XKR6: variants seen among roughly 807,000 people sequenced by gnomAD.
The protein encoded by XKR6 is XK related 6, also known as XK-related protein 6.
XKR6 carries 22 observed loss-of-function variants against 56.7 expected under a neutral mutation model. The observed-to-expected ratio is 0.39, with a 90% CI of 0.28 to 0.55. XKR6 has a LOEUF of 0.55. Among genes scored for constraint, XKR6 ranks in the 20% least tolerant of loss-of-function variants. XKR6 has a pLI of 0.66. For missense variants in XKR6, 852 were observed against 889.0 expected (o/e 0.96, Z 0.53); for synonymous variants, 524 against 387.8 (o/e 1.35, Z -4.13).
At chr8:11,101,109 G>A (rs1419967226) in intron 1 of XKR6, among the ~76,000 whole-genome samples, 1 of 152,226 alleles carries the variant, frequency 6.6e-6, no homozygotes, top group Admixed American at 6.5e-5. Flanking sequence ...AGTATTTGCA[G>A]TACAGAATTC....
intron 1 of XKR6, among the ~76,000 whole-genome samples, chr8:11,198,121 A>G (rs906522899): frequency 2.6e-5 from 4 of 152,190 alleles, no homozygotes; most frequent in African/African-American, 9.7e-5. Flanking sequence ...CTTCAATAAA[A>G]ACAGAGATGA....
chr8:10,937,356 G>A (rs1380068953), intron 1 of XKR6, among the ~76,000 whole-genome samples: 5 of 148,746 alleles, frequency 3.4e-5, no homozygotes, highest in South Asian at 2.2e-4. Flanking sequence ...ATGTCCTCCC[G>A]TAGCTCAGAG....
intron 1 of XKR6, among the ~76,000 whole-genome samples, chr8:10,925,563 C>T (rs1037308648): frequency 5.3e-5 from 8 of 152,320 alleles, no homozygotes; most frequent in Non-Finnish European, 1.0e-4. Context: ...GGACCACTCC[C>T]GGGCTCTGTG....
chr8:11,138,494 G>C (rs1800518214), intron 1 of XKR6: 1 of 152,226 alleles, frequency 6.6e-6, no homozygotes, highest in African/African-American at 2.4e-5. Context: ...TTGGCTCTCA[G>C]ATGGTTTGGC....
intron 1 of XKR6, among the ~76,000 whole-genome samples, chr8:11,000,153 A>G (rs1222240666): frequency 6.6e-6 from 1 of 152,134 alleles, no homozygotes; most frequent in Non-Finnish European, 1.5e-5. Flanking sequence ...AATACTGAAT[A>G]AGAACCAAGA....
At chr8:11,062,012 G>A (rs965306310) in intron 1 of XKR6, among the ~76,000 whole-genome samples, 2 of 152,220 alleles carry the variant, frequency 1.3e-5, no homozygotes, top group Non-Finnish European at 2.9e-5. Context: ...GACAGTGACT[G>A]GCTCATACAT....
Position 11,075,742 on chromosome 8 carries a change from G to A in XKR6, c.764+124834C>T, listed in dbSNP as rs543766476. Among the ~76,000 whole-genome samples the A allele has an allele frequency of 2.0e-4, 31 of 152,226 alleles. 1 individual carries two copies. In the South Asian group the frequency reaches 6.4e-3, roughly 32 times the overall value. Reference sequence around the variant, plus strand: ...ACAAAAATTAGCTGGGTGTGGTGGTGAGCACCTGTAGTCCCAGCTATTCGT... The same window carrying A: ...ACAAAAATTAGCTGGGTGTGGTGGTAAGCACCTGTAGTCCCAGCTATTCGT... On this transcript the variant is annotated intron_variant, in intron 1 of 2. Coordinates refer to ENST00000416569, the MANE Select transcript of XKR6 (RefSeq NM_173683.4).
At chr8:10,918,689 G>A (rs957821797) in intron 2 of XKR6, among the ~76,000 whole-genome samples, 1 of 152,128 alleles carries the variant, frequency 6.6e-6, no homozygotes, top group South Asian at 2.1e-4. Flanking sequence ...AGAACCATCG[G>A]AGAATCCCCA....
intron 1 of XKR6, among the ~76,000 whole-genome samples, chr8:11,004,040 C>G (rs147139604): frequency 5.3e-5 from 8 of 152,274 alleles, no homozygotes; most frequent in African/African-American, 1.9e-4. Context: ...AGTGAGTGAG[C>G]AGAGCAGCGA....
chr8:10,958,349 A>G (rs1801960955), intron 1 of XKR6, among the ~76,000 whole-genome samples: 1 of 152,198 alleles, frequency 6.6e-6, no homozygotes, highest in African/African-American at 2.4e-5. Flanking sequence ...CACTAATGCG[A>G]TTATGGGATT....
intron 1 of XKR6, among the ~76,000 whole-genome samples, chr8:10,930,272 C>G (rs1801015863): frequency 6.6e-6 from 1 of 152,208 alleles, no homozygotes; most frequent in South Asian, 2.1e-4. Flanking sequence ...TTGTGGATAA[C>G]AAACCACCTT....
chr8:11,144,276 G>C (rs1800867933), intron 1 of XKR6, among the ~76,000 whole-genome samples: 1 of 143,440 alleles, frequency 7.0e-6, no homozygotes, highest in South Asian at 2.3e-4. Context: ...GGCTTCACAG[G>C]TCTTCTCGGC....
At chr8:11,099,907 TA>T (rs1798404228) in intron 1 of XKR6, among the ~76,000 whole-genome samples, 1 of 152,054 alleles carries the variant, frequency 6.6e-6, no homozygotes, top group Non-Finnish European at 1.5e-5. Flanking sequence ...GATGGAGCCA[TA>T]AGCACATGGG....
At chr8:11,190,599 C>T (rs1448876056) in intron 1 of XKR6, among the ~76,000 whole-genome samples, 1 of 152,172 alleles carries the variant, frequency 6.6e-6, no homozygotes, top group African/African-American at 2.4e-5. Context: ...ACAAGCCTAC[C>T]CTAAGCTCTG....
At chr8:10,940,595 C>T (rs888135874) in intron 1 of XKR6, among the ~76,000 whole-genome samples, 3 of 152,182 alleles carry the variant, frequency 2.0e-5, no homozygotes, top group Non-Finnish European at 4.4e-5. Flanking sequence ...ACGGCTGGTC[C>T]GGGAGCAGAG....
At chr8:11,110,962 G>T (rs946662748) in intron 1 of XKR6, among the ~76,000 whole-genome samples, 3 of 149,644 alleles carry the variant, frequency 2.0e-5, no homozygotes, top group Non-Finnish European at 4.4e-5. Flanking sequence ...ACAGCCTCCC[G>T]AGTAGCTGGG....
At chr8:11,009,147 G>GTCAA (rs1008580111) in intron 1 of XKR6, among the ~76,000 whole-genome samples, 9 of 152,046 alleles carry the variant, frequency 5.9e-5, no homozygotes, top group South Asian at 2.1e-4. Context: ...TCATTCCATA[G>GTCAA]TCAATCAATC....
At chr8:10,901,948 T>C (rs1244087503) in intron 2 of XKR6, among the ~76,000 whole-genome samples, 2 of 152,216 alleles carry the variant, frequency 1.3e-5, no homozygotes, top group South Asian at 2.1e-4. Context: ...CAGCCACCAG[T>C]TGCAAAGCCA....
intron 1 of XKR6, among the ~76,000 whole-genome samples, chr8:11,135,135 C>T (rs999800535): frequency 6.6e-6 from 1 of 151,724 alleles, no homozygotes; most frequent in Non-Finnish European, 1.5e-5. Context: ...CGGGTTCACG[C>T]CATTCTGCCT....
Sources: allele counts gnomAD v4.1 joint callset (sites outside exome capture counted in the v4.1 genomes callset), GRCh38; gene constraint gnomAD v4.1.1; transcripts MANE v1.5; gene names NCBI Gene and HGNC (gene_info 2026-07-23, HGNC 2026-07-21).